SYNJ1: variants seen among roughly 807,000 people sequenced by gnomAD.
SYNJ1 encodes the protein polyphosphatidylinositol phosphatase SYNJ1.
Under a neutral mutation model 168.2 loss-of-function variants are expected in SYNJ1, and 78 were observed. That is an observed-to-expected ratio of 0.46 (90% CI 0.39 to 0.56). The LOEUF is 0.56. SYNJ1 is among the 20% of genes least tolerant of loss of function. The pLI is 0.00. For synonymous variants in SYNJ1, 539 were observed against 548.6 expected (o/e 0.98, Z 0.24); for missense variants, 1,303 against 1,597.6 (o/e 0.82, Z 3.14).
At chr21:32,693,714 A>C (rs2042108533) in intron 6 of SYNJ1, among the ~76,000 whole-genome samples, 1 of 152,180 alleles carries the variant, frequency 6.6e-6, no homozygotes, top group Non-Finnish European at 1.5e-5. Context: ...CTTTTAATTT[A>C]ATCCTTACAA....
intron 15 of SYNJ1, among the ~76,000 whole-genome samples, chr21:32,666,885 G>C (rs1208928282): frequency 1.3e-5 from 2 of 152,048 alleles, no homozygotes; most frequent in African/African-American, 4.8e-5. Context: ...GAGAAGTATA[G>C]AAGTATCTGT....
intron 7 of SYNJ1, 145 bp from the exon 8 acceptor site, chr21:32,687,219 G>T: frequency 2.0e-6 from 1 of 493,012 alleles, no homozygotes; most frequent in Middle Eastern, 5.4e-4. Context: ...ATTGTACATG[G>T]TCTCAAAGCC....
chr21:32,685,764 C>T lies in SYNJ1; in HGVS notation c.1102G>A (p.Gly368Arg). Residue 368 changes from glycine (G) to arginine (R), a missense_variant, in exon 9 of 33, where the codon GGA becomes AGA. Coordinates refer to ENST00000674351, the MANE Select transcript of SYNJ1 (RefSeq NM_203446.3). ...FLDYGFFYFN[G>R]SEVQRCQSGT... ...CAGTCAAACCTTTGAACTTCACTTC[C>T]ATTGAAATAAAAAAATCCATAATCT... The T allele has an allele frequency of 1.2e-6, 2 of 1,605,154 alleles. No homozygotes were observed. The highest frequency in any genetic ancestry group is 1.7e-6 in the Non-Finnish European group (2 of 1,177,060).
chr21:32,642,426 C>CTT (rs2039881694), intron 27 of SYNJ1, among the ~76,000 whole-genome samples: 1 of 2,348 alleles, frequency 4.3e-4, no homozygotes, highest in Non-Finnish European at 5.6e-4. Context: ...CCCCATAGAA[C>CTT]TCTCTCGTGA....
rs112885089 is a variant in SYNJ1, at chr21:32,656,047, A to G, written c.2795+640T>C. On this transcript the variant is annotated intron_variant, in intron 21 of 32. Transcript: ENST00000674351. ...ATAGCAATCACAGCTTCATTTTGTTATAGGGTTTTGTTACATGTTCTATTG... is the reference window on the plus strand; with the variant it reads ...ATAGCAATCACAGCTTCATTTTGTTGTAGGGTTTTGTTACATGTTCTATTG... 7.2e-5 allele frequency among the ~76,000 whole-genome samples: 11 copies of G among 152,310 alleles called. 1 individual carries two copies. The highest frequency in any genetic ancestry group is 2.6e-4 in the African/African-American group (11 of 41,568).
chr21:32,678,603 T>C, intron 12 of SYNJ1, 42 bp downstream of exon 12: 1 of 1,521,576 alleles, frequency 6.6e-7, no homozygotes, highest in Non-Finnish European at 8.8e-7. Flanking sequence ...CTCTTGGACC[T>C]TTAGGAATAT....
At chr21:32,631,855 C>T (rs964044329) in intron 32 of SYNJ1, 54 bp from the exon 33 acceptor site, 7 of 1,426,372 alleles carry the variant, frequency 4.9e-6, no homozygotes, top group Non-Finnish European at 6.6e-6. Flanking sequence ...CTTAATACCC[C>T]CTATTCTTCC....
chr21:32,663,947 G>A (rs2040816945), intron 18 of SYNJ1, among the ~76,000 whole-genome samples: 1 of 152,190 alleles, frequency 6.6e-6, no homozygotes, highest in Admixed American at 6.5e-5. Context: ...CACAGATGAT[G>A]AAGGGCAAGT....
At chr21:32,657,167 A>T (rs1268984932) in intron 19 of SYNJ1, 47 bp from the exon 20 acceptor site, 1 of 1,319,932 alleles carries the variant, frequency 7.6e-7, no homozygotes, top group African/African-American at 1.4e-5. Flanking sequence ...TATAAGCAGG[A>T]CAGATCGTGT....
At chr21:32,673,654 A>G (rs1280077346) in intron 13 of SYNJ1, 123 bp from the exon 14 acceptor site, 2 of 815,734 alleles carry the variant, frequency 2.5e-6, no homozygotes, top group Non-Finnish European at 3.5e-6. Flanking sequence ...CAAACAAGCA[A>G]AAGATACAGG....
chr21:32,645,760 G>A lies in SYNJ1; in HGVS notation c.3277C>T (p.Pro1093Ser). The change falls in exon 25 of 33, where the codon CCG becomes TCG. Residue 1093 changes from proline (P) to serine (S), a missense_variant. Transcript: ENST00000674351. ...SSPIDAQPATPLPQKDPAQPL... is the reference protein window; with the variant it reads ...SSPIDAQPATSLPQKDPAQPL... ...TGGGCGGGGTCTTTCTGCGGCAGCG[G>A]CGTTGCTGGCTGCGCGTCAATAGGA... The A allele has an allele frequency of 6.8e-7, 1 of 1,467,450 alleles. No individual in the cohort carries two copies. The highest frequency in any genetic ancestry group is 9.0e-7 in the Non-Finnish European group (1 of 1,107,384). The allele number at this position is 1,467,450 out of a possible 1,614,324, so 90.9% of individuals were successfully genotyped here.
chr21:32,653,424 A>G (rs900517113), intron 21 of SYNJ1, 58 bp from the exon 22 acceptor site: 2 of 1,305,068 alleles, frequency 1.5e-6, no homozygotes, highest in African/African-American at 2.9e-5. Flanking sequence ...AAGCTCAGTG[A>G]CTACTCCCAT....
chr21:32,685,477 T>TA (rs572763423), intron 9 of SYNJ1, among the ~76,000 whole-genome samples: 97 of 148,882 alleles, frequency 6.5e-4, no homozygotes, highest in African/African-American at 2.3e-3. Context: ...CACACACCTG[T>TA]AGTCCCAGCT....
chr21:32,687,147 T>G, intron 7 of SYNJ1, 73 bp from the exon 8 acceptor site: 2 of 734,720 alleles, frequency 2.7e-6, no homozygotes. Context: ...AATAATCCAT[T>G]ATTAAATATA....
chr21:32,659,064 C>T (rs1463321349), intron 18 of SYNJ1, among the ~76,000 whole-genome samples: 1 of 151,254 alleles, frequency 6.6e-6, no homozygotes, highest in African/African-American at 2.4e-5. Flanking sequence ...TCACCAGGCA[C>T]CATACCAGAT....
At position 32,694,328 on chromosome 21, in the gene SYNJ1, A is replaced by G; in HGVS notation, c.706-17T>C. On this transcript the variant is annotated splice_polypyrimidine_tract_variant and intron_variant, in intron 5 of 32. Coordinates refer to ENST00000674351, the MANE Select transcript of SYNJ1 (RefSeq NM_203446.3). Reference sequence around the variant, plus strand: ...GTACACAACCTACAGAAAAAAAAATAATATGTAAACTATTTCCACAGAAAA... The same window carrying G: ...GTACACAACCTACAGAAAAAAAAATGATATGTAAACTATTTCCACAGAAAA... The G allele has an allele frequency of 6.6e-7, 1 of 1,521,558 alleles. No individual in the cohort carries two copies. The allele number at this position is 1,521,558 out of a possible 1,614,324, so 94.3% of individuals were successfully genotyped here. A position where few individuals can be genotyped will look rare whatever the true frequency, so the allele number is the denominator to read the frequency against.
At chr21:32,700,563 G>A (rs924246021) in intron 3 of SYNJ1, among the ~76,000 whole-genome samples, 3 of 152,142 alleles carry the variant, frequency 2.0e-5, no homozygotes, top group Non-Finnish European at 4.4e-5. Context: ...GCTGAGGCAG[G>A]AGAATCACTT....
chr21:32,639,120 T>C lies in SYNJ1; in HGVS notation c.3703A>G (p.Thr1235Ala), dbSNP rs781066636. Residue 1235 changes from threonine (T) to alanine (A), a missense_variant, in exon 31 of 33, where the codon ACT (threonine) becomes GCT (alanine). This residue lies in a region of SYNJ1 where 383 missense variants were observed against 388.8 expected (regional missense o/e 0.99). Transcript: ENST00000674351. ...SKTSETSKGS[T>A]FLPEPLKPQA... ...GGCTTCAGTGGTTCAGGAAGGAAAG[T>C]TGAACCTAAAAAACCAGTGGTTGTC... The C allele has an allele frequency of 1.3e-5, 21 of 1,610,004 alleles. No homozygotes were observed. The highest frequency in any genetic ancestry group is 9.9e-5 in the South Asian group (9 of 90,860).
intron 7 of SYNJ1, among the ~76,000 whole-genome samples, chr21:32,687,735 C>A (rs968053578): frequency 1.3e-5 from 2 of 152,106 alleles, no homozygotes; most frequent in African/African-American, 2.4e-5. Context: ...TTGAACTGTG[C>A]AAGTCCACTT....
Sources: gnomAD v4.1 joint callset for allele counts (sites outside exome capture counted in the v4.1 genomes callset) on GRCh38, gnomAD v4.1.1 for gene constraint, gnomAD v4.1.1 regional missense constraint, MANE v1.5 for transcripts, NCBI Gene and HGNC (gene_info 2026-07-23, HGNC 2026-07-21) for gene names.